Variants in RAPGEF4 observed in about 807,000 individuals in gnomAD.
The protein encoded by RAPGEF4 is RAP guanine-nucleotide-exchange factor (GEF) 4.
In RAPGEF4, 66 loss-of-function variants were observed where a neutral mutation model predicts 147.9. The ratio of observed to expected loss-of-function variants is 0.45; its 90% CI spans 0.37 to 0.55. RAPGEF4 has a LOEUF of 0.55. RAPGEF4 is among the 20% of genes least tolerant of loss of function. RAPGEF4 has a pLI of 0.00. For synonymous variants in RAPGEF4, 419 were observed against 442.7 expected (o/e 0.95, Z 0.67); for missense variants, 1,071 against 1,257.3 (o/e 0.85, Z 2.24).
chr2:172,860,591 T>G (rs1477019780), intron 4 of RAPGEF4, among the ~76,000 whole-genome samples: 1 of 150,918 alleles, frequency 6.6e-6, no homozygotes, highest in Non-Finnish European at 1.5e-5. Context: ...TTTGGTTTTG[T>G]TTTACGGGGA....
At chr2:172,877,979 G>A (rs887333953) in intron 4 of RAPGEF4, among the ~76,000 whole-genome samples, 2 of 152,200 alleles carry the variant, frequency 1.3e-5, no homozygotes, top group African/African-American at 4.8e-5. Flanking sequence ...TAAACTCTAA[G>A]AAACTTTGTC....
chr2:172,873,395 A>AT (rs1327650711), intron 4 of RAPGEF4, among the ~76,000 whole-genome samples: 1 of 152,224 alleles, frequency 6.6e-6, no homozygotes, highest in Non-Finnish European at 1.5e-5. Flanking sequence ...AAGACATTTT[A>AT]ACTGTCATCC....
In RAPGEF4 at chr2:172,965,692, A is replaced by G. The variant is rs971378189; in HGVS notation, c.820+9A>G. 4.3e-6 allele frequency: 7 copies of G among 1,614,026 alleles called. No homozygotes were observed. Among genetic ancestry groups the G allele is most frequent in the Admixed American group, 3.3e-5 (2 of 60,006 alleles). ...TGGTGTTCTCAACCACGGTAAGATG[A>G]GCCCCAGTCCCTGGAAACCTCTCAA... On this transcript the variant is annotated intron_variant, in intron 9 of 30. Coordinates refer to ENST00000397081, the MANE Select transcript of RAPGEF4 (RefSeq NM_007023.4).
intron 1 of RAPGEF4, among the ~76,000 whole-genome samples, chr2:172,737,794 G>T (rs1037496289): frequency 1.3e-5 from 2 of 152,062 alleles, no homozygotes; most frequent in Non-Finnish European, 2.9e-5. Flanking sequence ...AGGGTTTTAG[G>T]CACAGAGCTG....
At chr2:172,826,964 CA>C (rs59106041) in intron 4 of RAPGEF4, among the ~76,000 whole-genome samples, 38 of 138,746 alleles carry the variant, frequency 2.7e-4, no homozygotes, top group Non-Finnish European at 2.5e-4. Context: ...GACCCTTTCT[CA>C]AAAAAAAAAA....
intron 14 of RAPGEF4, among the ~76,000 whole-genome samples, chr2:172,989,102 T>C (rs950716740): frequency 6.6e-6 from 1 of 152,226 alleles, no homozygotes; most frequent in Non-Finnish European, 1.5e-5. Flanking sequence ...TCCATGAGAA[T>C]TGACGATAAA....
intron 16 of RAPGEF4, among the ~76,000 whole-genome samples, chr2:172,997,569 T>C (rs1693493170): frequency 6.6e-6 from 1 of 152,298 alleles, no homozygotes; most frequent in Middle Eastern, 3.4e-3. Context: ...GTGAACTAAG[T>C]GTTCAGAGTT....
rs376745085 is a variant in RAPGEF4, at chr2:173,036,712, C to T, written c.2853+20C>T. 5.7e-4 allele frequency: 876 copies of T among 1,533,456 alleles called. No homozygotes were observed. Among genetic ancestry groups the T allele is most frequent in the Non-Finnish European group, 7.0e-4 (791 of 1,122,800 alleles). The allele number at this position is 1,533,456 out of a possible 1,614,324, so 95.0% of individuals were successfully genotyped here. A position where few individuals can be genotyped will look rare whatever the true frequency, so the allele number is the denominator to read the frequency against. ...AAAATGGTATGTGCAGTATTATAAC[C>T]TTAACCACAATGTGTTTTTAAAATA... On this transcript the variant is annotated intron_variant, in intron 29 of 30. Transcript: ENST00000397081.
At chr2:172,751,652 C>T (rs1007106392) in intron 1 of RAPGEF4, among the ~76,000 whole-genome samples, 2 of 152,106 alleles carry the variant, frequency 1.3e-5, no homozygotes, top group Admixed American at 6.5e-5. Flanking sequence ...GATATTTGAC[C>T]AAAGACCTTG....
intron 15 of RAPGEF4, among the ~76,000 whole-genome samples, chr2:172,991,829 G>A (rs1692864275): frequency 6.6e-6 from 1 of 152,156 alleles, no homozygotes; most frequent in Admixed American, 6.5e-5. Context: ...TAGACTAAAA[G>A]TCTAAGGCCC....
chr2:173,038,590 G>T (rs1333880381), intron 29 of RAPGEF4, among the ~76,000 whole-genome samples: 1 of 152,142 alleles, frequency 6.6e-6, no homozygotes, highest in Non-Finnish European at 1.5e-5. Flanking sequence ...CCTGTCGGAG[G>T]TTGGGGAGCA....
intron 6 of RAPGEF4, among the ~76,000 whole-genome samples, chr2:172,939,225 T>C (rs959510625): frequency 2.0e-5 from 3 of 152,230 alleles, no homozygotes; most frequent in Non-Finnish European, 4.4e-5. Flanking sequence ...TTTAGCTTTG[T>C]AAGAAACTGC....
At chr2:172,811,200 G>A (rs937866495) in intron 3 of RAPGEF4, among the ~76,000 whole-genome samples, 4 of 152,222 alleles carry the variant, frequency 2.6e-5, no homozygotes, top group Non-Finnish European at 4.4e-5. Context: ...CAGAGCAAGG[G>A]TGCAGATGCT....
chr2:172,885,728 T>G (rs1421137987), intron 4 of RAPGEF4, among the ~76,000 whole-genome samples: 1 of 152,222 alleles, frequency 6.6e-6, no homozygotes, highest in East Asian at 1.9e-4. Flanking sequence ...CTGGGCCCCT[T>G]CCACAACACA....
intron 29 of RAPGEF4, among the ~76,000 whole-genome samples, chr2:173,043,227 C>T (rs1186671880): frequency 6.6e-6 from 1 of 152,190 alleles, no homozygotes; most frequent in South Asian, 2.1e-4. Flanking sequence ...ATTTGATAGG[C>T]ATAGGTCTGG....
Position 172,809,510 on chromosome 2 carries a change from T to A in RAPGEF4, c.298-4769T>A, listed in dbSNP as rs140574770. Among the ~76,000 whole-genome samples, 39 of 151,942 alleles carry A rather than the reference T, an allele frequency of 2.6e-4. No individual in the cohort carries two copies. The East Asian group carries it at 6.6e-3, about 26-fold the overall frequency. ...TTAGAACTGGGACACAGGATCAGAG[T>A]GGGAAAAGCAGAAATGCCGATTTTA... On this transcript the variant is annotated intron_variant, in intron 3 of 30. Transcript: ENST00000397081.
intron 4 of RAPGEF4, among the ~76,000 whole-genome samples, chr2:172,915,703 C>CAAAAAA (rs10676347): frequency 8.8e-6 from 1 of 113,800 alleles, no homozygotes. Context: ...GACCCTGTCT[C>CAAAAAA]AAAAAAAAAA....
In RAPGEF4 at chr2:172,990,841, A is replaced by G; in HGVS notation, c.1406A>G (p.Glu469Gly). ...DVEANTVRLK[E>G]HDQDVLVLEK... is the part of the protein sequence containing the mutation. Reference sequence around the variant, plus strand: ...GAGGCGAATACAGTCAGACTTAAAGAACATGACCAAGATGTCTTGGTGCTG... The same window carrying G: ...GAGGCGAATACAGTCAGACTTAAAGGACATGACCAAGATGTCTTGGTGCTG... Residue 469 changes from glutamate (E) to glycine (G), a missense_variant, in exon 15 of 31, where the codon GAA becomes GGA. Transcript: ENST00000397081. 2 of 1,614,034 alleles carry G rather than the reference A, an allele frequency of 1.2e-6. No homozygotes were observed. The highest frequency in any genetic ancestry group is 1.7e-6 in the Non-Finnish European group (2 of 1,179,944).
intron 1 of RAPGEF4, among the ~76,000 whole-genome samples, chr2:172,763,754 G>T (rs1434909207): frequency 1.3e-5 from 2 of 152,080 alleles, no homozygotes; most frequent in South Asian, 2.1e-4. Flanking sequence ...GAAGGAATTT[G>T]TTATAAATAA....
Sources: gnomAD v4.1 joint callset for allele counts (sites outside exome capture counted in the v4.1 genomes callset) on GRCh38, gnomAD v4.1.1 for gene constraint, MANE v1.5 for transcripts, NCBI Gene and HGNC (gene_info 2026-07-23, HGNC 2026-07-21) for gene names.